INTS4: variants seen among roughly 807,000 people sequenced by gnomAD.
The protein encoded by INTS4 is integrator complex subunit 4.
In INTS4, 70 loss-of-function variants were observed where a neutral mutation model predicts 119.5. The ratio of observed to expected loss-of-function variants is 0.59; its 90% confidence interval spans 0.48 to 0.71. The LOEUF is 0.71. INTS4 is among the 30% of genes least tolerant of loss of function. The probability of loss-of-function intolerance (pLI) is 0.00; values close to 1 mark genes in which losing one functional copy is unlikely to be tolerated. For missense variants in INTS4, 867 were observed against 1,173.2 expected (o/e 0.74, Z 3.81); for synonymous variants, 316 against 419.6 (o/e 0.75, Z 3.02).
chr11:77,924,687 G>A, intron 12 of INTS4, 63 bp downstream of exon 12: 1 of 1,480,880 alleles, frequency 6.8e-7, no homozygotes, highest in Non-Finnish European at 9.4e-7. Flanking sequence ...CGGAACAAAT[G>A]TCAGCATTAT....
chr11:77,979,147 G>T (rs1565287996), intron 3 of INTS4, 45 bp from the exon 4 acceptor site: 3 of 1,105,442 alleles, frequency 2.7e-6, no homozygotes, highest in Non-Finnish European at 4.2e-6. Flanking sequence ...TTCGAAAGGG[G>T]TAACTATATA....
chr11:77,891,010 C>T (rs1486196940), intron 21 of INTS4, among the ~76,000 whole-genome samples: 1 of 152,182 alleles, frequency 6.6e-6, no homozygotes. Context: ...CGTCACATTA[C>T]AAGATTAGAA....
chr11:77,971,085 G>A (rs1855711243), intron 4 of INTS4, among the ~76,000 whole-genome samples: 1 of 152,112 alleles, frequency 6.6e-6, no homozygotes. Flanking sequence ...TGGGATTACA[G>A]GCGTGAGCCA....
chr11:77,908,303 C>T (rs11828377), intron 15 of INTS4, among the ~76,000 whole-genome samples: 3,594 of 149,694 alleles, frequency 0.024, 134 homozygotes, highest in African/African-American at 0.082. Flanking sequence ...TAGGTATACA[C>T]GCGTCATGAT....
chr11:77,943,680 C>T (rs1359473667), intron 8 of INTS4, among the ~76,000 whole-genome samples: 1 of 152,192 alleles, frequency 6.6e-6, no homozygotes, highest in African/African-American at 2.4e-5. Context: ...ACTAGCACTA[C>T]TTAACAACCT....
At chr11:77,962,113 G>C (rs567514184) in intron 4 of INTS4, among the ~76,000 whole-genome samples, 7 of 152,304 alleles carry the variant, frequency 4.6e-5, no homozygotes, top group African/African-American at 1.7e-4. Context: ...AGGAGTTCAA[G>C]ACTGTCCTGG....
chr11:77,992,079 C>T (rs1384818906), intron 1 of INTS4, among the ~76,000 whole-genome samples: 1 of 151,798 alleles, frequency 6.6e-6, no homozygotes. Flanking sequence ...CTGCTTCAGT[C>T]TCCCAAAGTC....
At chr11:77,976,849 T>C (rs1855971644) in intron 4 of INTS4, among the ~76,000 whole-genome samples, 1 of 152,012 alleles carries the variant, frequency 6.6e-6, no homozygotes, top group Non-Finnish European at 1.5e-5. Flanking sequence ...CACCACATGT[T>C]CTCACTCATA....
At chr11:77,980,131 G>A (rs1856148248) in intron 3 of INTS4, among the ~76,000 whole-genome samples, 1 of 151,374 alleles carries the variant, frequency 6.6e-6, no homozygotes, top group Non-Finnish European at 1.5e-5. Context: ...ATCTTTTTCA[G>A]GTCTCCTTTA....
chr11:77,977,690 TATATA>T (rs1237313537), intron 4 of INTS4, among the ~76,000 whole-genome samples: 60 of 150,524 alleles, frequency 4.0e-4, no homozygotes, highest in African/African-American at 1.2e-3. Context: ...TATATTTAAG[TATATA>T]ATATAAAATC....
intron 22 of INTS4, among the ~76,000 whole-genome samples, chr11:77,882,450 T>C (rs1033675686): frequency 1.3e-5 from 2 of 152,132 alleles, no homozygotes; most frequent in African/African-American, 4.8e-5. Flanking sequence ...ATACTGTAAT[T>C]TGCTTTCCTG....
chr11:77,923,086 G>A lies in INTS4; in HGVS notation c.1515-615C>T, dbSNP rs138447959. ...TATAATCCCAACACTTTGCGAGGCC[G>A]AAGTGGCTGGATCAGGAGGTCAAGA... On this transcript the variant is annotated intron_variant, in intron 12 of 22. Coordinates refer to ENST00000534064, the MANE Select transcript of INTS4 (RefSeq NM_033547.4). Among the ~76,000 whole-genome samples, 481 of 152,250 alleles carry A rather than the reference G, an allele frequency of 3.2e-3. 5 individuals carry two copies. Among genetic ancestry groups the A allele is most frequent in the Admixed American group, 2.5e-3 (39 of 15,298 alleles).
intron 8 of INTS4, among the ~76,000 whole-genome samples, chr11:77,946,369 A>C (rs569464781): frequency 6.6e-6 from 1 of 152,332 alleles, no homozygotes; most frequent in Non-Finnish European, 1.5e-5. Context: ...AATAAAATTG[A>C]AAAGAGCAAC....
In INTS4 at chr11:77,891,435, C is replaced by T. The variant is rs1433915263; in HGVS notation, c.2476G>A (p.Glu826Lys). Reference sequence around the variant, plus strand: ...GGGTTGTCTGACTCGCCCGCTGGCTCGATGATGGTGGCTGAGGCTTTGTGG... The same window carrying T: ...GGGTTGTCTGACTCGCCCGCTGGCTTGATGATGGTGGCTGAGGCTTTGTGG... The part of the protein sequence containing the change: ...QIHKASATII[E>K]PAGESDNPLR... Residue 826 changes from glutamate to lysine, a missense_variant, in exon 21 of 23, where the codon GAG (glutamate) becomes AAG (lysine). Glu to Lys is a moderately conservative substitution (Grantham distance 56). Around this residue, in one of 5 missense-constraint regions of INTS4, gnomAD observed 262 missense variants for 376.0 expected, o/e 0.70. Transcript: ENST00000534064. 6 of 1,613,712 alleles carry T rather than the reference C, an allele frequency of 3.7e-6. No individual in the cohort carries two copies. Among genetic ancestry groups the T allele is most frequent in the Middle Eastern group, 1.7e-4 (1 of 6,046 alleles).
intron 4 of INTS4, chr11:77,963,493 TA>T (rs1297091143): frequency 2.5e-6 from 1 of 407,812 alleles, no homozygotes; most frequent in African/African-American, 2.1e-5. Flanking sequence ...TGAAGTGCCA[TA>T]ATTTTTATAT....
At chr11:77,915,725 C>T (rs1033478951) in intron 15 of INTS4, among the ~76,000 whole-genome samples, 4 of 152,212 alleles carry the variant, frequency 2.6e-5, no homozygotes, top group African/African-American at 7.2e-5. Context: ...ATTTGGCTCA[C>T]TCACTCGTGG....
chr11:77,973,958 T>C, intron 4 of INTS4, among the ~76,000 whole-genome samples: 1 of 152,206 alleles, frequency 6.6e-6, no homozygotes, highest in East Asian at 1.9e-4. Context: ...AGTTTGGAAG[T>C]GTTCTCTCCT....
intron 15 of INTS4, chr11:77,911,231 TG>T (rs1353310726): frequency 9.8e-7 from 1 of 1,022,972 alleles, no homozygotes; most frequent in Non-Finnish European, 1.2e-6. Context: ...CTTATTCGTT[TG>T]GGTTGCTTGA....
chr11:77,956,966 C>T (rs1244167623), intron 7 of INTS4, among the ~76,000 whole-genome samples: 1 of 152,034 alleles, frequency 6.6e-6, no homozygotes, highest in Non-Finnish European at 1.5e-5. Flanking sequence ...CAGGGTCTCA[C>T]TTCTGTCGCC....
Sources: gnomAD v4.1 joint callset for allele counts (sites outside exome capture counted in the v4.1 genomes callset) on GRCh38, gnomAD v4.1.1 for gene constraint, gnomAD v4.1.1 regional missense constraint, MANE v1.5 for transcripts, NCBI Gene and HGNC (gene_info 2026-07-23, HGNC 2026-07-21) for gene names.